TAFA1: variants seen among roughly 807,000 people sequenced by gnomAD.
The protein encoded by TAFA1 is chemokine-like protein TAFA-1.
TAFA1 carries 4 observed loss-of-function variants against 18.5 expected under a neutral mutation model. That is an observed-to-expected ratio of 0.22 (90% confidence interval 0.11 to 0.49). The LOEUF (loss-of-function observed/expected upper bound fraction) is 0.49. TAFA1 is among the 20% of genes least tolerant of loss of function. TAFA1 has a pLI of 0.98. For missense variants in TAFA1, 147 were observed against 169.0 expected, an observed-to-expected ratio of 0.87 and a Z score of 0.72; for synonymous variants, 56 against 55.2, an observed-to-expected ratio of 1.01 and a Z score of -0.06.
At chr3:68,295,961 T>C (rs946692984) in intron 2 of TAFA1, among the ~76,000 whole-genome samples, 3 of 152,168 alleles carry the variant, frequency 2.0e-5, no homozygotes, top group African/African-American at 7.2e-5. Context: ...ATTTTTGAAA[T>C]AAAAATCAGT....
At chr3:68,308,186 C>G (rs2068453984) in intron 2 of TAFA1, among the ~76,000 whole-genome samples, 1 of 152,060 alleles carries the variant, frequency 6.6e-6, no homozygotes, top group African/African-American at 2.4e-5. Context: ...CCCCAGAAGG[C>G]TTTATACTGA....
intron 3 of TAFA1, among the ~76,000 whole-genome samples, chr3:68,524,300 C>G (rs558355875): frequency 6.6e-6 from 1 of 152,076 alleles, no homozygotes; most frequent in South Asian, 2.1e-4. Context: ...ACCTTCAAAT[C>G]TCTTCTTGTC....
chr3:68,452,850 C>A (rs2071589082), intron 3 of TAFA1, among the ~76,000 whole-genome samples: 1 of 152,146 alleles, frequency 6.6e-6, no homozygotes, highest in South Asian at 2.1e-4. Context: ...TTATTTAAGG[C>A]ATTTTTACTG....
intron 2 of TAFA1, among the ~76,000 whole-genome samples, chr3:68,087,510 C>T (rs973012317): frequency 4.4e-5 from 6 of 136,628 alleles, no homozygotes. Context: ...TGTCTTTCTT[C>T]CCTCCCTTCC....
At chr3:68,016,908 C>T (rs1160928235) in intron 2 of TAFA1, among the ~76,000 whole-genome samples, 1 of 151,994 alleles carries the variant, frequency 6.6e-6, no homozygotes, top group Non-Finnish European at 1.5e-5. Context: ...ATTTGTGATT[C>T]ATACAAATTT....
Position 68,020,660 on chromosome 3 carries a change from C to T in TAFA1, c.118+13916C>T, listed in dbSNP as rs201518548. ...TGAAAAGATGCACATAGAAGTTTTA[C>T]AACTTGGACTTATTTACTCACCTAT... On this transcript the variant is annotated intron_variant, in intron 2 of 4. Transcript: ENST00000478136. Among the ~76,000 whole-genome samples, 42 of 152,222 alleles carry T rather than the reference C, an allele frequency of 2.8e-4. No homozygotes were observed. The East Asian group carries it at 7.2e-3, about 26-fold the overall frequency.
intron 2 of TAFA1, among the ~76,000 whole-genome samples, chr3:68,243,423 C>T (rs963519254): frequency 2.6e-5 from 4 of 151,992 alleles, no homozygotes; most frequent in African/African-American, 9.7e-5. Flanking sequence ...TGTAACATTG[C>T]CACAGGGCTT....
intron 2 of TAFA1, among the ~76,000 whole-genome samples, chr3:68,262,312 T>TATAA: frequency 1.2e-4 from 1 of 8,282 alleles, no homozygotes; most frequent in Non-Finnish European, 2.1e-4. Flanking sequence ...GGAGGGTATA[T>TATAA]ATATATATAT....
At chr3:68,314,905 G>A (rs2201130) in intron 2 of TAFA1, among the ~76,000 whole-genome samples, 3,827 of 148,972 alleles carry the variant, frequency 0.026, 88 homozygotes, top group East Asian at 0.098. Flanking sequence ...TACACATATT[G>A]ATATATTCTT....
At chr3:68,112,329 C>A (rs562956335) in intron 2 of TAFA1, among the ~76,000 whole-genome samples, 1 of 152,192 alleles carries the variant, frequency 6.6e-6, no homozygotes, top group African/African-American at 2.4e-5. Flanking sequence ...TTCAGAAATT[C>A]AAAGTTGTTT....
At chr3:68,125,187 G>T (rs1326267067) in intron 2 of TAFA1, among the ~76,000 whole-genome samples, 1 of 152,132 alleles carries the variant, frequency 6.6e-6, no homozygotes, top group Non-Finnish European at 1.5e-5. Context: ...TTTCACCCTG[G>T]GTGAATTTCA....
intron 2 of TAFA1, among the ~76,000 whole-genome samples, chr3:68,364,860 T>G (rs1343258072): frequency 6.6e-6 from 1 of 152,206 alleles, no homozygotes; most frequent in Non-Finnish European, 1.5e-5. Context: ...ATTTTATAAA[T>G]GAAGAAACTG....
At chr3:68,504,825 T>C (rs576450017) in intron 3 of TAFA1, among the ~76,000 whole-genome samples, 7 of 152,298 alleles carry the variant, frequency 4.6e-5, no homozygotes, top group African/African-American at 1.7e-4. Context: ...ACCTGTGCTA[T>C]GGTACACAGA....
chr3:68,147,105 T>C (rs2065751300), intron 2 of TAFA1, among the ~76,000 whole-genome samples: 1 of 151,716 alleles, frequency 6.6e-6, no homozygotes, highest in South Asian at 2.1e-4. Context: ...ACAAAAACTT[T>C]CTAGCTGGGG....
intron 3 of TAFA1, among the ~76,000 whole-genome samples, chr3:68,438,187 G>A (rs144107132): frequency 1.3e-5 from 2 of 152,122 alleles, no homozygotes; most frequent in East Asian, 3.9e-4. Flanking sequence ...ACAAAACCCT[G>A]TCTCTACTAA....
At chr3:68,096,458 G>T (rs1314759353) in intron 2 of TAFA1, among the ~76,000 whole-genome samples, 1 of 152,116 alleles carries the variant, frequency 6.6e-6, no homozygotes, top group African/African-American at 2.4e-5. Context: ...GAGGCTAAAT[G>T]ACTTGCCAAG....
chr3:68,325,261 A>G (rs1028707615), intron 2 of TAFA1, among the ~76,000 whole-genome samples: 1 of 152,196 alleles, frequency 6.6e-6, no homozygotes, highest in African/African-American at 2.4e-5. Flanking sequence ...AGCTGAACAC[A>G]TATCTTTCCC....
At chr3:68,039,141 T>C (rs769650277) in intron 2 of TAFA1, among the ~76,000 whole-genome samples, 8 of 152,228 alleles carry the variant, frequency 5.3e-5, no homozygotes, top group Non-Finnish European at 1.2e-4. Flanking sequence ...ACTGTTTTGT[T>C]TGTATTAATT....
intron 3 of TAFA1, among the ~76,000 whole-genome samples, chr3:68,446,752 C>T (rs2071478788): frequency 6.6e-6 from 1 of 152,162 alleles, no homozygotes; most frequent in African/African-American, 2.4e-5. Flanking sequence ...CACTGCATGT[C>T]CAGTTAATTA....
Sources: allele counts gnomAD v4.1 joint callset (sites outside exome capture counted in the v4.1 genomes callset), GRCh38; gene constraint gnomAD v4.1.1; transcripts MANE v1.5; gene names NCBI Gene and HGNC (gene_info 2026-07-23, HGNC 2026-07-21).